The following ADGRD1 variants were observed in gnomAD, a reference collection of about 807,000 sequenced individuals.
The protein encoded by ADGRD1 is G-protein coupled receptor 133.
Under a neutral mutation model 113.4 loss-of-function variants are expected in ADGRD1, and 77 were observed. That is an observed-to-expected ratio of 0.68 (90% CI 0.57 to 0.82). The LOEUF is 0.82. ADGRD1 is among the 40% of genes least tolerant of loss of function. The probability of loss-of-function intolerance (pLI) is 0.00; values close to 1 mark genes in which losing one functional copy is unlikely to be tolerated. For synonymous variants in ADGRD1, 474 were observed against 475.0 expected (o/e 1.00, Z 0.03); for missense variants, 1,036 against 1,139.1 (o/e 0.91, Z 1.30).
chr12:130,958,900 C>T (rs1018943269), intron 2 of ADGRD1, among the ~76,000 whole-genome samples: 15 of 152,234 alleles, frequency 9.9e-5, no homozygotes, highest in South Asian at 2.1e-4. Flanking sequence ...GTCACGCCCT[C>T]GCACCGCGGG....
Position 130,966,961 on chromosome 12 carries a change from G to T in ADGRD1, c.187+415G>T. Reference sequence around the variant, plus strand: ...GAATTTTTATAGAGAGAGCTATTGCGTATTGAATGGGAGAATTTCTGATTC... The same window carrying T: ...GAATTTTTATAGAGAGAGCTATTGCTTATTGAATGGGAGAATTTCTGATTC... On this transcript the variant is annotated intron_variant, in intron 3 of 24. Coordinates refer to ENST00000261654, the MANE Select transcript of ADGRD1 (RefSeq NM_198827.5). This position sits in a 1 kb window ranked among gnomAD's most constrained non-coding sequence, Gnocchi z 4.6. The T allele has an allele frequency of 2.2e-6, 1 of 450,444 alleles. No individual in the cohort carries two copies. The highest frequency in any genetic ancestry group is 1.6e-5 in the South Asian group (1 of 64,460). The allele number at this position is 450,444 out of a possible 1,614,324, so 27.9% of individuals were successfully genotyped here.
chr12:131,029,596 T>C (rs1880386957), intron 13 of ADGRD1, among the ~76,000 whole-genome samples: 1 of 146,468 alleles, frequency 6.8e-6, no homozygotes, highest in African/African-American at 2.5e-5. Flanking sequence ...TGTGGTGACA[T>C]TCCCAGGCTC....
Position 131,014,341 on chromosome 12 carries a change from G to A in ADGRD1, c.1473+1G>A, listed in dbSNP as rs1268139066. On this transcript the variant is annotated splice_donor_variant, in intron 13 of 24. Coordinates refer to ENST00000261654, the MANE Select transcript of ADGRD1 (RefSeq NM_198827.5). LOFTEE classifies it high-confidence loss of function. ...TACGGTCCACCTCAAGCACAGATTG[G>A]TGAGTGGCGGTGCCTTCACCCTTGT... The A allele has an allele frequency of 5.0e-6, 8 of 1,611,198 alleles. No individual in the cohort carries two copies. Among genetic ancestry groups the A allele is most frequent in the Non-Finnish European group, 6.8e-6 (8 of 1,178,242 alleles).
At chr12:131,125,061 G>A (rs1950709618) in intron 20 of ADGRD1, among the ~76,000 whole-genome samples, 1 of 152,132 alleles carries the variant, frequency 6.6e-6, no homozygotes, top group African/African-American at 2.4e-5. Flanking sequence ...TTTTCCCTCT[G>A]TGCATGTCTG....
At position 131,050,680 on chromosome 12, in the gene ADGRD1, T is replaced by C. The variant is rs1391250655; in HGVS notation, c.1474-26121T>C. On this transcript the variant is annotated intron_variant, in intron 13 of 24. Transcript: ENST00000261654. This position sits in a 1 kb window ranked among gnomAD's most constrained non-coding sequence, Gnocchi z 4.8. The stretch of plus-strand genomic sequence containing the variant: ...GTGGGGACAGTGCCAAGAGGGATGG[T>C]GTTAAGCCAGCGGTCCCCAGACATT... Among the ~76,000 whole-genome samples, 2 of 151,988 alleles carry C rather than the reference T, an allele frequency of 1.3e-5. No homozygotes were observed. Among genetic ancestry groups the C allele is most frequent in the African/African-American group, 4.8e-5 (2 of 41,374 alleles).
At chr12:131,098,834 A>G (rs1376122735) in intron 15 of ADGRD1, among the ~76,000 whole-genome samples, 2 of 152,220 alleles carry the variant, frequency 1.3e-5, no homozygotes, top group Non-Finnish European at 2.9e-5. Flanking sequence ...ACTTCCGTGC[A>G]TGGTGCACAG....
At chr12:131,066,055 C>T (rs1037503240) in intron 13 of ADGRD1, among the ~76,000 whole-genome samples, 3 of 152,140 alleles carry the variant, frequency 2.0e-5, no homozygotes, top group African/African-American at 4.8e-5. Flanking sequence ...CTTAGAGCCC[C>T]AGGGCCGGGC....
intron 15 of ADGRD1, among the ~76,000 whole-genome samples, chr12:131,094,961 A>C (rs1421628896): frequency 6.9e-6 from 1 of 145,700 alleles, no homozygotes; most frequent in African/African-American, 2.6e-5. Flanking sequence ...CTCCTGCCCT[A>C]CCCACCCCTT....
At chr12:131,104,966 C>T in intron 16 of ADGRD1, 32 bp downstream of exon 16, 2 of 1,402,240 alleles carry the variant, frequency 1.4e-6, no homozygotes, top group Non-Finnish European at 2.0e-6. Flanking sequence ...ACCCAACAGT[C>T]TCTCGGCCCC....
At chr12:131,040,047 C>T (rs768253772) in intron 13 of ADGRD1, among the ~76,000 whole-genome samples, 5 of 152,156 alleles carry the variant, frequency 3.3e-5, no homozygotes, top group Non-Finnish European at 5.9e-5. Flanking sequence ...ACCCCACCAG[C>T]GGCACCCTCA....
At chr12:131,123,825 C>CAA (rs111915156) in intron 20 of ADGRD1, among the ~76,000 whole-genome samples, 129 of 90,520 alleles carry the variant, frequency 1.4e-3, no homozygotes, top group Middle Eastern at 7.1e-3. Flanking sequence ...GACTCCGTCT[C>CAA]AAAAAAAAAA....
At chr12:131,126,031 A>C (rs1395006632) in intron 20 of ADGRD1, among the ~76,000 whole-genome samples, 1 of 152,252 alleles carries the variant, frequency 6.6e-6, no homozygotes, top group African/African-American at 2.4e-5. Flanking sequence ...CTGTAGATAC[A>C]TGTAGATACT....
At chr12:131,031,424 G>C (rs1183396306) in intron 13 of ADGRD1, among the ~76,000 whole-genome samples, 17 of 152,162 alleles carry the variant, frequency 1.1e-4, no homozygotes, top group Admixed American at 9.8e-4. Context: ...CTGACCTGTT[G>C]CTGGGATGAC....
intron 13 of ADGRD1, chr12:131,070,552 C>T (rs1430559214): frequency 4.8e-6 from 1 of 208,128 alleles, no homozygotes. Context: ...GAGAGGCGGT[C>T]TGAGACGCGC....
Position 131,003,429 on chromosome 12 carries a change from C to T in ADGRD1, c.1144+127C>T. 1 of 711,796 alleles carries T rather than the reference C, an allele frequency of 1.4e-6. No homozygotes were observed. Among genetic ancestry groups the T allele is most frequent in the Admixed American group, 2.1e-5 (1 of 48,184 alleles). The allele number at this position is 711,796 out of a possible 1,614,324, so 44.1% of individuals were successfully genotyped here. On this transcript the variant is annotated intron_variant, in intron 10 of 24. Coordinates refer to ENST00000261654, the MANE Select transcript of ADGRD1 (RefSeq NM_198827.5). The surrounding 1 kb of genome is among the most constrained non-coding windows in gnomAD (Gnocchi z 4.8). The stretch of plus-strand genomic sequence containing the variant: ...GTCTCCCTGACTGCTCTGCCTGGCA[C>T]AAACCACATTTGGAAGGAAAACCCG...
At chr12:131,009,840 G>A (rs1295215857) in intron 12 of ADGRD1, among the ~76,000 whole-genome samples, 7 of 152,210 alleles carry the variant, frequency 4.6e-5, no homozygotes, top group African/African-American at 7.2e-5. Flanking sequence ...AAGTGTGAGC[G>A]TGACCACTGC....
At chr12:131,062,591 C>T (rs550458766) in intron 13 of ADGRD1, among the ~76,000 whole-genome samples, 2 of 152,120 alleles carry the variant, frequency 1.3e-5, no homozygotes, top group Non-Finnish European at 2.9e-5. Flanking sequence ...GTGAATACGT[C>T]TCTTGAGATC....
At chr12:131,131,124 G>C (rs1265442828) in intron 20 of ADGRD1, among the ~76,000 whole-genome samples, 1 of 152,198 alleles carries the variant, frequency 6.6e-6, no homozygotes, top group Non-Finnish European at 1.5e-5. Flanking sequence ...TGAGGGGCAG[G>C]TTGTGCTGAA....
intron 13 of ADGRD1, among the ~76,000 whole-genome samples, chr12:131,033,740 G>T (rs1020017032): frequency 6.6e-6 from 1 of 152,208 alleles, no homozygotes; most frequent in African/African-American, 2.4e-5. Flanking sequence ...CCTGGAGCAG[G>T]TGCCCAACCA....
Sources: gnomAD v4.1 joint callset for allele counts (sites outside exome capture counted in the v4.1 genomes callset) on GRCh38, gnomAD v4.1.1 for gene constraint, Gnocchi (gnomAD v3.1) non-coding constraint, MANE v1.5 for transcripts, NCBI Gene and HGNC (gene_info 2026-07-23, HGNC 2026-07-21) for gene names.